The following DNAJC11 variants were observed in gnomAD, a reference collection of about 807,000 sequenced individuals.
The protein encoded by DNAJC11 is dnaJ homolog subfamily C member 11.
In DNAJC11, 15 loss-of-function variants were observed where a neutral mutation model predicts 78.6. The observed-to-expected ratio is 0.19, with a 90% CI of 0.13 to 0.29. The LOEUF is 0.29. Among genes scored for constraint, DNAJC11 ranks in the 10% least tolerant of loss-of-function variants. DNAJC11 has a pLI of 1.00. For missense variants in DNAJC11, 547 were observed against 709.6 expected (o/e 0.77, Z 2.60); for synonymous variants, 292 against 272.1 (o/e 1.07, Z -0.72).
At chr1:6,687,205 G>A (rs189191774) in intron 1 of DNAJC11, among the ~76,000 whole-genome samples, 16 of 152,036 alleles carry the variant, frequency 1.1e-4, no homozygotes, top group Non-Finnish European at 1.5e-4. Context: ...TCATTTAGTA[G>A]ATACTGATTA....
At chr1:6,641,389 A>AT (rs1641873702) in intron 10 of DNAJC11, among the ~76,000 whole-genome samples, 1 of 95,266 alleles carries the variant, frequency 1.0e-5, no homozygotes, top group Non-Finnish European at 2.3e-5. Flanking sequence ...AAAAAAAAAA[A>AT]AATATATATA....
chr1:6,645,058 A>G lies in DNAJC11; in HGVS notation c.963T>C (p.Arg321=), dbSNP rs113890784. ...GGACTTACTTGAGGGATCCTTTCAC[A>G]CGAGTCTGATCGTCATCTTGGAATT... ...QHKFQDDDQT[R]VKGSLKAGFF... The change falls in exon 9 of 16, where the codon CGT becomes CGC. Residue 321 remains arginine (R), a synonymous_variant. Coordinates refer to ENST00000377577, the MANE Select transcript of DNAJC11 (RefSeq NM_018198.4). This position sits in a 1 kb window ranked among gnomAD's most constrained non-coding sequence, Gnocchi z 4.1. 4 of 1,614,064 alleles carry G rather than the reference A, an allele frequency of 2.5e-6. No homozygotes were observed. In the South Asian group the frequency reaches 3.3e-5, roughly 13 times the overall value.
rs541106855 is a variant in DNAJC11 at position 6,659,390 on chromosome 1, G to A, written c.379-5351C>T. Among the ~76,000 whole-genome samples, 3 of 152,260 alleles carry A rather than the reference G, an allele frequency of 2.0e-5. No homozygotes were observed. The South Asian group carries it at 6.2e-4, about 32-fold the overall frequency. ...TATCTGCAACACTCTTCACCAGATG[G>A]CCACGTGGCTAACTTTGTCATCTGC... is the stretch of plus-strand genomic sequence containing the variant. On this transcript the variant is annotated intron_variant, in intron 4 of 15. Transcript: ENST00000377577.
At chr1:6,652,655 A>G (rs923643133) in intron 6 of DNAJC11, among the ~76,000 whole-genome samples, 174 bp downstream of exon 6, 3 of 152,102 alleles carry the variant, frequency 2.0e-5, no homozygotes, top group African/African-American at 7.2e-5. Context: ...GGCCAGGCTC[A>G]TGAGACCTAT....
chr1:6,640,150 T>G, intron 10 of DNAJC11, 93 bp from the exon 11 acceptor site: 1 of 1,414,702 alleles, frequency 7.1e-7, no homozygotes, highest in Non-Finnish European at 9.3e-7. Flanking sequence ...GGAAGAGAAC[T>G]TGTGCTGCGT....
At chr1:6,647,080 CTTTTT>C (rs70981396) in intron 7 of DNAJC11, among the ~76,000 whole-genome samples, 19 of 95,030 alleles carry the variant, frequency 2.0e-4, no homozygotes, top group Middle Eastern at 6.0e-3. Context: ...CTGGACAGGT[CTTTTT>C]TTTTTTTTTT....
chr1:6,700,073 T>C (rs1389465071), intron 1 of DNAJC11, among the ~76,000 whole-genome samples: 1 of 152,158 alleles, frequency 6.6e-6, no homozygotes, highest in African/African-American at 2.4e-5. Context: ...TCCACCATGG[T>C]GATTTACTCC....
intron 1 of DNAJC11, among the ~76,000 whole-genome samples, chr1:6,690,321 C>T (rs1366549000): frequency 6.6e-6 from 1 of 152,190 alleles, no homozygotes; most frequent in Non-Finnish European, 1.5e-5. Context: ...ATTTGACAGT[C>T]GCATATCCAC....
rs762594280 is a variant in DNAJC11, at chr1:6,645,921, C to G, written c.762G>C (p.Leu254=). The change falls in exon 8 of 16, where the codon CTG becomes CTC. Residue 254 remains leucine, a synonymous_variant. Coordinates refer to ENST00000377577, the MANE Select transcript of DNAJC11 (RefSeq NM_018198.4). This position sits in a 1 kb window ranked among gnomAD's most constrained non-coding sequence, Gnocchi z 4.1. ...CTAGGTTCCGAGCTAGGACAGTGGT[C>G]AGGCCGGGTCGGATTCCACGGGATG... ...QFSSRGIRPG[L]TTVLARNLDK... The G allele has an allele frequency of 1.2e-6, 2 of 1,614,024 alleles. No homozygotes were observed. The highest frequency in any genetic ancestry group is 1.3e-5 in the African/African-American group (1 of 74,910).
chr1:6,698,559 T>G (rs1032294252), intron 1 of DNAJC11, among the ~76,000 whole-genome samples: 3 of 152,080 alleles, frequency 2.0e-5, no homozygotes, highest in Non-Finnish European at 4.4e-5. Context: ...GGAGCATGTT[T>G]CATATGGATT....
rs375175135 is a variant in DNAJC11 at position 6,653,880 on chromosome 1, C to T, written c.507+31G>A. 21 of 1,608,022 alleles carry T rather than the reference C, an allele frequency of 1.3e-5. No individual in the cohort carries two copies. Among genetic ancestry groups the T allele is most frequent in the Middle Eastern group, 3.3e-4 (2 of 6,030 alleles). On this transcript the variant is annotated intron_variant, in intron 5 of 15. Transcript: ENST00000377577. This position sits in a 1 kb window ranked among gnomAD's most constrained non-coding sequence, Gnocchi z 4.5. ...TGTGCCTCATTAACTCGAGCCCTTGCTGTACTCGGAGAGGTGGTTGTGTGC... is the reference window on the plus strand; with the variant it reads ...TGTGCCTCATTAACTCGAGCCCTTGTTGTACTCGGAGAGGTGGTTGTGTGC...
rs112654794 is a variant in DNAJC11, at chr1:6,680,500, G to A, written c.202+408C>T. The stretch of plus-strand genomic sequence containing the variant: ...TCATTTTCTTTCTTTTATTACAACC[G>A]ATAACTGCTTCAGAACCAATAAAAT... On this transcript the variant is annotated intron_variant, in intron 2 of 15. Transcript: ENST00000377577. The surrounding 1 kb of genome is among the most constrained non-coding windows in gnomAD (Gnocchi z 4.0). 6.5e-3 allele frequency among the ~76,000 whole-genome samples: 987 copies of A among 152,092 alleles called. 14 individuals are homozygous for A. The highest frequency in any genetic ancestry group is 0.021 in the African/African-American group (883 of 41,474).
intron 1 of DNAJC11, among the ~76,000 whole-genome samples, chr1:6,695,066 A>C (rs1410536060): frequency 2.6e-5 from 4 of 150,950 alleles, no homozygotes; most frequent in Admixed American, 2.6e-4. Context: ...GAATGGCGTG[A>C]ACCCAGATGG....
intron 3 of DNAJC11, among the ~76,000 whole-genome samples, chr1:6,668,788 C>T (rs1642331159): frequency 6.6e-6 from 1 of 152,074 alleles, no homozygotes; most frequent in African/African-American, 2.4e-5. Flanking sequence ...GTATATGAAC[C>T]TTAGAATGTG....
At chr1:6,691,929 C>T (rs1025167247) in intron 1 of DNAJC11, among the ~76,000 whole-genome samples, 8 of 152,136 alleles carry the variant, frequency 5.3e-5, no homozygotes, top group African/African-American at 1.9e-4. Flanking sequence ...ATTTTTTCAT[C>T]TGTTGTCTTA....
At chr1:6,650,956 G>C (rs1282771908) in intron 7 of DNAJC11, 4 of 450,842 alleles carry the variant, frequency 8.9e-6, no homozygotes, top group Non-Finnish European at 1.9e-5. Context: ...GGAAGAAAGA[G>C]GTATTATTTA....
chr1:6,684,084 T>C (rs144898301), intron 1 of DNAJC11, among the ~76,000 whole-genome samples: 3 of 142,734 alleles, frequency 2.1e-5, no homozygotes, highest in Non-Finnish European at 3.1e-5. Context: ...AATCATTTTC[T>C]TTTTTTTTTT....
rs70984004 is a variant in DNAJC11, at chr1:6,695,627, TAAAAAAAAAAAAA to T, written c.72+6089_72+6101del. 6.1e-3 allele frequency among the ~76,000 whole-genome samples: 503 copies of T among 83,006 alleles called. 7 individuals carry two copies. The highest frequency in any genetic ancestry group is 0.018 in the African/African-American group (401 of 22,484). 54.5% of individuals were successfully genotyped at this position (83,006 alleles called of 152,430 possible). On this transcript the variant is annotated intron_variant, in intron 1 of 15. Transcript: ENST00000377577. ...CAACATAGTGAAACCCTATCTCTACTAAAAAAAAAAAAAAAAAAAAAAAAAAAAAAATTAGCCG... is the reference window on the plus strand; with the variant it reads ...CAACATAGTGAAACCCTATCTCTACTAAAAAAAAAAAAAAAAAATTAGCCG...
chr1:6,689,673 G>A (rs1642713304), intron 1 of DNAJC11, among the ~76,000 whole-genome samples: 1 of 152,038 alleles, frequency 6.6e-6, no homozygotes, highest in South Asian at 2.1e-4. Context: ...CTACTCAGGA[G>A]GCTGAGGCAG....
Sources: allele counts gnomAD v4.1 joint callset (sites outside exome capture counted in the v4.1 genomes callset), GRCh38; gene constraint gnomAD v4.1.1; non-coding constraint Gnocchi (gnomAD v3.1); transcripts MANE v1.5; gene names NCBI Gene and HGNC (gene_info 2026-07-23, HGNC 2026-07-21).